Variants in PZP observed in about 807,000 individuals in gnomAD.
The protein encoded by PZP is pregnancy zone protein.
In PZP, 150 loss-of-function variants were observed where a neutral mutation model predicts 179.8. The ratio of observed to expected loss-of-function variants is 0.83; its 90% CI spans 0.73 to 0.96. The LOEUF is 0.96. Among genes scored for constraint, PZP ranks in the 40% least tolerant of loss-of-function variants. The pLI, the probability that PZP is intolerant of heterozygous loss-of-function variation, is 0.00. For synonymous variants in PZP, 624 were observed against 652.3 expected (o/e 0.96, Z 0.66); for missense variants, 1,689 against 1,764.0 (o/e 0.96, Z 0.76).
rs543158077 is a variant in PZP, at chr12:9,153,612, T to C, written c.3775-269A>G. ...CCTTTTGGATATGTCCTTCAAAGAA[T>C]AGGTCTAAAACTAAGAAGTTAAGAC... is the stretch of plus-strand genomic sequence containing the variant. On this transcript the variant is annotated intron_variant, in intron 29 of 35. Coordinates refer to ENST00000261336, the MANE Select transcript of PZP (RefSeq NM_002864.3). 3.0e-4 allele frequency among the ~76,000 whole-genome samples: 45 copies of C among 152,380 alleles called. No individual in the cohort carries two copies. In the South Asian group the frequency reaches 6.2e-3, roughly 21 times the overall value.
intron 15 of PZP, among the ~76,000 whole-genome samples, chr12:9,179,041 G>T (rs192929356): frequency 6.6e-6 from 1 of 152,206 alleles, no homozygotes; most frequent in South Asian, 2.1e-4. Flanking sequence ...CCTTTTAAAT[G>T]GTGATTCATG....
At chr12:9,164,374 G>T in intron 19 of PZP, 115 bp from the exon 20 acceptor site, 2 of 1,122,538 alleles carry the variant, frequency 1.8e-6, no homozygotes, top group East Asian at 2.5e-5. Flanking sequence ...TAAGAAAAAT[G>T]TATGTCACAT....
rs141046682 is a variant in PZP, at chr12:9,196,377, C to T, written c.1045G>A (p.Val349Met). 57 of 1,613,758 alleles carry T rather than the reference C, an allele frequency of 3.5e-5. No individual in the cohort carries two copies. The East Asian group carries it at 4.9e-4, about 14-fold the overall frequency. ...TGTCTAAAGTGTGAATCCACTTTCA[C>T]GAATTTGAGTTTGGATACAATGTTT... ...ITNIVSKLKFVKVDSHFRQGI... is the reference protein window; with the variant it reads ...ITNIVSKLKFMKVDSHFRQGI... The change falls in exon 10 of 36, where the codon GTG becomes ATG. Residue 349 changes from valine to methionine, a missense_variant. Physicochemically the swap from Val to Met is conservative, Grantham distance 21 (BLOSUM62 1). Around this residue, in one of 3 missense-constraint regions of PZP, gnomAD observed 742 missense variants for 730.5 expected, o/e 1.02. Coordinates refer to ENST00000261336, the MANE Select transcript of PZP (RefSeq NM_002864.3).
chr12:9,158,610 T>C (rs376496461), intron 25 of PZP, 34 bp from the exon 26 acceptor site: 2 of 1,607,798 alleles, frequency 1.2e-6, no homozygotes, highest in African/African-American at 2.7e-5. Context: ...CTGAGGCTCT[T>C]TTCATTGAGC....
intron 8 of PZP, 61 bp downstream of exon 8, chr12:9,196,951 A>T (rs1267288369): frequency 1.0e-5 from 13 of 1,274,662 alleles, no homozygotes; most frequent in Non-Finnish European, 1.2e-5. Context: ...TCTAGTTAGT[A>T]AAATGGAGTC....
intron 18 of PZP, among the ~76,000 whole-genome samples, chr12:9,165,676 A>G (rs772930379): frequency 6.6e-6 from 1 of 152,348 alleles, no homozygotes; most frequent in East Asian, 1.9e-4. Flanking sequence ...CCCATAAATA[A>G]GCATTTTTAA....
intron 15 of PZP, among the ~76,000 whole-genome samples, chr12:9,177,278 T>C (rs1239401376): frequency 2.6e-5 from 4 of 152,316 alleles, no homozygotes; most frequent in East Asian, 1.9e-4. Flanking sequence ...AGTTGTCACA[T>C]TGTGGGACAC....
chr12:9,162,693 G>T (rs371713435), intron 21 of PZP, 45 bp from the exon 22 acceptor site: 3 of 1,443,956 alleles, frequency 2.1e-6, no homozygotes, highest in Admixed American at 3.5e-5. Context: ...AAACATCCTG[G>T]TGACAAGAGA....
intron 17 of PZP, among the ~76,000 whole-genome samples, chr12:9,167,739 T>C (rs750475355): frequency 6.6e-6 from 1 of 152,326 alleles, no homozygotes; most frequent in Admixed American, 6.5e-5. Context: ...AGAAGCTCTT[T>C]TTTTCCTGAG....
intron 34 of PZP, 52 bp downstream of exon 34, chr12:9,150,592 A>C (rs1272609038): frequency 6.7e-6 from 8 of 1,191,458 alleles, no homozygotes; most frequent in African/African-American, 3.0e-5. Context: ...CTGTCACAAC[A>C]GGATCCATTT....
At chr12:9,180,286 T>C (rs1432221569) in intron 15 of PZP, among the ~76,000 whole-genome samples, 2 of 152,062 alleles carry the variant, frequency 1.3e-5, no homozygotes, top group Non-Finnish European at 2.9e-5. Context: ...CTTCACAGAA[T>C]TGGAAAAAAC....
chr12:9,155,028 C>T (rs1412576529), intron 28 of PZP, among the ~76,000 whole-genome samples, 189 bp from the exon 29 acceptor site: 7 of 152,022 alleles, frequency 4.6e-5, no homozygotes, highest in Admixed American at 2.6e-4. Flanking sequence ...TCCTGTGGTA[C>T]GAAGGTAGGG....
At chr12:9,206,242 G>A (rs144377560) in intron 1 of PZP, among the ~76,000 whole-genome samples, 1 of 151,230 alleles carries the variant, frequency 6.6e-6, no homozygotes, top group Non-Finnish European at 1.5e-5. Flanking sequence ...ATCTTAATAA[G>A]AAGGTATATA....
intron 6 of PZP, among the ~76,000 whole-genome samples, chr12:9,200,661 A>T (rs937772142): frequency 6.6e-6 from 1 of 152,190 alleles, no homozygotes; most frequent in East Asian, 1.9e-4. Context: ...TTAACAAATG[A>T]TGGTGGTTTC....
intron 22 of PZP, 72 bp from the exon 23 acceptor site, chr12:9,161,188 G>T: frequency 7.8e-7 from 1 of 1,282,396 alleles, no homozygotes; most frequent in Non-Finnish European, 1.1e-6. Flanking sequence ...TTATAATGTA[G>T]TGAGAGCTTC....
downstream of PZP, among the ~76,000 whole-genome samples, chr12:9,144,660 G>A (rs750672166): frequency 6.6e-6 from 1 of 152,322 alleles, no homozygotes; most frequent in Non-Finnish European, 1.5e-5. Flanking sequence ...GAGTATTTAA[G>A]GGTTTTAGGG....
chr12:9,156,901 ATTAT>A (rs1383062915), intron 28 of PZP, among the ~76,000 whole-genome samples: 2 of 151,824 alleles, frequency 1.3e-5, no homozygotes, highest in African/African-American at 2.4e-5. Context: ...AAAAACTTTT[ATTAT>A]TTATCTATTT....
chr12:9,184,246 G>T (rs932060353), intron 13 of PZP, among the ~76,000 whole-genome samples: 1 of 152,060 alleles, frequency 6.6e-6, no homozygotes, highest in African/African-American at 2.4e-5. Flanking sequence ...CACTAAGCTC[G>T]CCAACCCCAC....
rs745782218 is a variant in PZP, at chr12:9,193,787, C to T, written c.1254+290G>A. Among the ~76,000 whole-genome samples, 4 of 152,178 alleles carry T rather than the reference C, an allele frequency of 2.6e-5. No individual in the cohort carries two copies. In the South Asian group the frequency reaches 8.3e-4, roughly 32 times the overall value. On this transcript the variant is annotated intron_variant, in intron 11 of 35. Transcript: ENST00000261336. ...GGAAAAAATAACATAAAACAAAGTACATGAATTACTGAAGCAGCTGATATT... is the reference window on the plus strand; with the variant it reads ...GGAAAAAATAACATAAAACAAAGTATATGAATTACTGAAGCAGCTGATATT...
Sources: gnomAD v4.1 joint callset for allele counts (sites outside exome capture counted in the v4.1 genomes callset) on GRCh38, gnomAD v4.1.1 for gene constraint, gnomAD v4.1.1 regional missense constraint, MANE v1.5 for transcripts, NCBI Gene and HGNC (gene_info 2026-07-23, HGNC 2026-07-21) for gene names.